Variants in ADRA1B observed in about 807,000 individuals in gnomAD.
ADRA1B encodes adrenoceptor alpha 1B.
In ADRA1B, 17 loss-of-function variants were observed where a neutral mutation model predicts 17.9. That is an observed-to-expected ratio of 0.95 (90% CI 0.65 to 1.42). ADRA1B has a LOEUF of 1.42. Among genes scored for constraint, ADRA1B ranks in the 40% most tolerant of loss-of-function variants. ADRA1B has a pLI of 0.00. For missense variants in ADRA1B, 681 were observed against 722.1 expected (o/e 0.94, Z 0.65); for synonymous variants, 366 against 327.6 (o/e 1.12, Z -1.27).
At chr5:159,959,492 A>G (rs1039832891) in intron 1 of ADRA1B, among the ~76,000 whole-genome samples, 3 of 152,222 alleles carry the variant, frequency 2.0e-5, no homozygotes, top group African/African-American at 7.2e-5. Context: ...TGAACAAGAA[A>G]GACAAACCCT....
At chr5:159,915,473 T>C (rs1754279587), upstream of ADRA1B, among the ~76,000 whole-genome samples, 1 of 152,196 alleles carries the variant, frequency 6.6e-6, no homozygotes, top group Admixed American at 6.5e-5. Context: ...TGGCCCATAC[T>C]TTCTCTTCTA....
chr5:159,917,438 T>C lies in ADRA1B; in HGVS notation c.533T>C (p.Ile178Thr). Reference protein sequence around the residue: ...SVWVLSTVISIGPLLGWKEPA... With the variant: ...SVWVLSTVISTGPLLGWKEPA... ...TGGGTCTTGTCCACCGTCATCTCCA[T>C]CGGGCCTCTCCTTGGGTGGAAGGAG... Residue 178 changes from isoleucine (I) to threonine (T), a missense_variant, in exon 1 of 2, where the codon ATC becomes ACC. Ile to Thr is a moderately conservative substitution (Grantham distance 89, BLOSUM62 -1). Transcript: ENST00000306675. The C allele has an allele frequency of 6.2e-7, 1 of 1,614,160 alleles. No individual in the cohort carries two copies. Among genetic ancestry groups the C allele is most frequent in the South Asian group, 1.1e-5 (1 of 91,068 alleles).
At chr5:159,943,912 TCACACACACA>T (rs70987984) in intron 1 of ADRA1B, among the ~76,000 whole-genome samples, 9 of 147,442 alleles carry the variant, frequency 6.1e-5, no homozygotes, top group Admixed American at 2.0e-4. Context: ...TCTGTCTCTC[TCACACACACA>T]CACACACACA....
intron 1 of ADRA1B, among the ~76,000 whole-genome samples, chr5:159,953,349 C>T (rs1755483781): frequency 6.6e-6 from 1 of 152,126 alleles, no homozygotes; most frequent in Non-Finnish European, 1.5e-5. Context: ...CAGAATAAGA[C>T]TCTGTCTCAG....
intron 1 of ADRA1B, among the ~76,000 whole-genome samples, chr5:159,911,311 A>G (rs926935274): frequency 2.6e-5 from 4 of 152,150 alleles, no homozygotes; most frequent in Admixed American, 1.3e-4. Context: ...GCCTGTTTAC[A>G]CTGTCCCACC....
At chr5:159,950,127 A>G (rs988001171) in intron 1 of ADRA1B, among the ~76,000 whole-genome samples, 4 of 152,242 alleles carry the variant, frequency 2.6e-5, no homozygotes, top group African/African-American at 7.2e-5. Context: ...GTAATGATCC[A>G]TCAGGGAAGT....
intron 1 of ADRA1B, among the ~76,000 whole-genome samples, chr5:159,961,560 A>T (rs1045225162): frequency 2.6e-5 from 4 of 152,122 alleles, no homozygotes; most frequent in African/African-American, 9.7e-5. Flanking sequence ...ATTATTGTAA[A>T]TTTTTCCAGT....
At chr5:159,901,013 G>A (rs997036935) in intron 1 of ADRA1B, among the ~76,000 whole-genome samples, 25 of 152,044 alleles carry the variant, frequency 1.6e-4, no homozygotes, top group Admixed American at 7.9e-4. Flanking sequence ...TGACTACTCC[G>A]AAGGGAAAAA....
intron 1 of ADRA1B, among the ~76,000 whole-genome samples, chr5:159,898,279 C>G (rs901593733): frequency 6.6e-6 from 1 of 152,164 alleles, no homozygotes; most frequent in African/African-American, 2.4e-5. Flanking sequence ...CCTGTGAACA[C>G]AGAGAGCAGG....
At chr5:159,951,165 G>A in intron 1 of ADRA1B, 1 of 752,152 alleles carries the variant, frequency 1.3e-6, no homozygotes. Context: ...GCTCCTCCCT[G>A]CAAGTCAGCC....
chr5:159,900,229 C>G (rs925643276), intron 1 of ADRA1B, among the ~76,000 whole-genome samples: 1 of 152,098 alleles, frequency 6.6e-6, no homozygotes, highest in Admixed American at 6.6e-5. Flanking sequence ...TTTATTCTAC[C>G]AGAAGCACTT....
At chr5:159,946,467 C>T (rs1755275097) in intron 1 of ADRA1B, among the ~76,000 whole-genome samples, 1 of 152,182 alleles carries the variant, frequency 6.6e-6, no homozygotes, top group Admixed American at 6.5e-5. Context: ...TACCAGTACC[C>T]GCAAAGCCTC....
chr5:159,978,795 G>T, the ADRA1B span, among the ~76,000 whole-genome samples: 1 of 152,208 alleles, frequency 6.6e-6, no homozygotes. Flanking sequence ...CCTAGTGAAT[G>T]CTCTCAAATA....
the ADRA1B span, among the ~76,000 whole-genome samples, chr5:159,980,864 C>G: frequency 6.6e-6 from 1 of 151,994 alleles, no homozygotes; most frequent in Admixed American, 6.6e-5. Context: ...TTAGAGGACT[C>G]TCTCTCGAGG....
chr5:159,975,495 C>T (rs1755957906), downstream of ADRA1B, among the ~76,000 whole-genome samples: 1 of 152,208 alleles, frequency 6.6e-6, no homozygotes, highest in African/African-American at 2.4e-5. Flanking sequence ...ATGCAAATCA[C>T]TGGGCAGATG....
chr5:159,972,361 C>T lies in ADRA1B; in HGVS notation c.1432C>T (p.Leu478Phe), dbSNP rs1050415172. Residue 478 changes from leucine (L) to phenylalanine (F), a missense_variant, in exon 2 of 2, where the codon CTC becomes TTC. Leu to Phe is a conservative substitution (Grantham distance 22, BLOSUM62 0). Transcript: ENST00000306675. ...HDSGPLFTFK[L>F]LTEPESPGTD... ...CTCGGGCCCGCTCTTCACCTTCAAGCTCCTGACCGAGCCCGAGAGCCCCGG... is the reference window on the plus strand; with the variant it reads ...CTCGGGCCCGCTCTTCACCTTCAAGTTCCTGACCGAGCCCGAGAGCCCCGG... 3.3e-6 allele frequency: 5 copies of T among 1,511,544 alleles called. No homozygotes were observed. In the African/African-American group the frequency reaches 5.7e-5, roughly 17 times the overall value. The allele number at this position is 1,511,544 out of a possible 1,614,324, so 93.6% of individuals were successfully genotyped here. A position where few individuals can be genotyped will look rare whatever the true frequency, so the allele number is the denominator to read the frequency against.
rs147237338 is a variant in ADRA1B, at chr5:159,932,145, C to A, written c.949+14291C>A. Among the ~76,000 whole-genome samples the A allele has an allele frequency of 3.0e-3, 457 of 152,006 alleles. 2 individuals carry two copies. Among genetic ancestry groups the A allele is most frequent in the African/African-American group, 0.01 (435 of 41,462 alleles). ...GAGTCTTTTCATTTTTTTGTTTTTC[C>A]TTTTTTTCTTTTCTTTTTTGTTTTT... On this transcript the variant is annotated intron_variant, in intron 1 of 1. Coordinates refer to ENST00000306675, the MANE Select transcript of ADRA1B (RefSeq NM_000679.4).
At chr5:159,898,560 A>C (rs1303278962) in intron 1 of ADRA1B, among the ~76,000 whole-genome samples, 1 of 152,264 alleles carries the variant, frequency 6.6e-6, no homozygotes, top group Non-Finnish European at 1.5e-5. Context: ...TATAGATTTC[A>C]ACAAGGTGAT....
At chr5:159,987,447 A>G in the ADRA1B span, among the ~76,000 whole-genome samples, 1 of 152,200 alleles carries the variant, frequency 6.6e-6, no homozygotes, top group Admixed American at 6.5e-5. Flanking sequence ...ACTGGGAAGC[A>G]GCTCTTTAGA....
Sources: allele counts gnomAD v4.1 joint callset (sites outside exome capture counted in the v4.1 genomes callset), GRCh38; gene constraint gnomAD v4.1.1; transcripts MANE v1.5; gene names NCBI Gene and HGNC (gene_info 2026-07-23, HGNC 2026-07-21).